UBASH3A: variants seen among roughly 807,000 people sequenced by gnomAD.
The protein encoded by UBASH3A is ubiquitin associated and SH3 domain containing A.
UBASH3A carries 63 observed loss-of-function variants against 73.5 expected under a neutral mutation model. The observed-to-expected ratio is 0.86, with a 90% CI of 0.70 to 1.06. UBASH3A has a LOEUF of 1.06. Among genes scored for constraint, UBASH3A ranks in the 50% least tolerant of loss-of-function variants. The pLI is 0.00. For synonymous variants in UBASH3A, 363 were observed against 351.1 expected (o/e 1.03, Z -0.38); for missense variants, 860 against 859.0 (o/e 1.00, Z -0.02).
intron 10 of UBASH3A, among the ~76,000 whole-genome samples, chr21:42,437,093 A>G (rs1161392689): frequency 1.3e-5 from 2 of 152,274 alleles, no homozygotes; most frequent in Admixed American, 6.5e-5. Context: ...TCCCAGCCCT[A>G]GTAGAGGCTG....
chr21:42,444,532 A>G lies in UBASH3A; in HGVS notation c.1739-2A>G. On this transcript the variant is annotated splice_acceptor_variant, in intron 13 of 14. Transcript: ENST00000319294. LOFTEE classifies it high-confidence loss of function. Reference sequence around the variant, plus strand: ...ACCTGGAGGTGTTCTTGTTTTCCACAGCGGGTGTCATCCTAATTGTGAGTC... The same window carrying G: ...ACCTGGAGGTGTTCTTGTTTTCCACGGCGGGTGTCATCCTAATTGTGAGTC... 1 of 1,611,276 alleles carries G rather than the reference A, an allele frequency of 6.2e-7. No homozygotes were observed.
intron 2 of UBASH3A, among the ~76,000 whole-genome samples, chr21:42,408,922 A>ATAAAAT (rs2053033567): frequency 6.7e-6 from 1 of 150,324 alleles, no homozygotes; most frequent in Non-Finnish European, 1.5e-5. Flanking sequence ...ATAAAATAAA[A>ATAAAAT]TAAAATAAAA....
chr21:42,404,590 T>A (rs1270929734), intron 1 of UBASH3A, among the ~76,000 whole-genome samples: 1 of 152,154 alleles, frequency 6.6e-6, no homozygotes, highest in African/African-American at 2.4e-5. Flanking sequence ...GGGGCCTGGT[T>A]GTAATCTCTT....
chr21:42,416,151 G>A (rs183922448), intron 5 of UBASH3A, among the ~76,000 whole-genome samples: 22 of 152,294 alleles, frequency 1.4e-4, no homozygotes, highest in Middle Eastern at 3.4e-3. Flanking sequence ...ACACCCCGGG[G>A]AATGGAGGAG....
At chr21:42,445,599 T>G (rs757001657) in intron 14 of UBASH3A, among the ~76,000 whole-genome samples, 40 of 152,348 alleles carry the variant, frequency 2.6e-4, no homozygotes, top group Non-Finnish European at 5.3e-4. Context: ...TAGCTACGCC[T>G]GCCTCAGCAG....
intron 6 of UBASH3A, among the ~76,000 whole-genome samples, chr21:42,417,870 C>CT (rs1296936051): frequency 7.5e-5 from 9 of 119,520 alleles, no homozygotes; most frequent in Non-Finnish European, 1.3e-4. Context: ...TTTTTTTTTT[C>CT]TTTTTTTCTT....
chr21:42,431,302 A>T (rs2053524451), intron 8 of UBASH3A, among the ~76,000 whole-genome samples: 1 of 152,202 alleles, frequency 6.6e-6, no homozygotes, highest in African/African-American at 2.4e-5. Flanking sequence ...TCGCTGCCCC[A>T]AGCATGACCT....
intron 8 of UBASH3A, among the ~76,000 whole-genome samples, chr21:42,428,448 C>T (rs1393011711): frequency 3.3e-5 from 5 of 152,020 alleles, no homozygotes; most frequent in East Asian, 3.9e-4. Flanking sequence ...TTGGGAGAGC[C>T]GAGACTCCCC....
chr21:42,406,710 G>A (rs949946627), intron 2 of UBASH3A, among the ~76,000 whole-genome samples: 1 of 151,880 alleles, frequency 6.6e-6, no homozygotes, highest in East Asian at 1.9e-4. Flanking sequence ...ACGTAAATGA[G>A]GGTAATTGTT....
Position 42,416,627 on chromosome 21 carries a change from A to G in UBASH3A, c.837+16A>G, listed in dbSNP as rs748226698. Reference sequence around the variant, plus strand: ...GCACTACCAGGTGAGAGAGCTGAGCAGGGGCTCATAAGAAGCAGATGAATG... The same window carrying G: ...GCACTACCAGGTGAGAGAGCTGAGCGGGGGCTCATAAGAAGCAGATGAATG... On this transcript the variant is annotated intron_variant, in intron 6 of 14. Transcript: ENST00000319294. 1 of 1,530,542 alleles carries G rather than the reference A, an allele frequency of 6.5e-7. No individual in the cohort carries two copies. Among genetic ancestry groups the G allele is most frequent in the East Asian group, 2.6e-5 (1 of 38,932 alleles). 94.8% of individuals were successfully genotyped at this position (1,530,542 alleles called of 1,614,324 possible).
chr21:42,416,435 T>C lies in UBASH3A; in HGVS notation c.668-7T>C. ...CTGGCACCCTCTGTGTTTCCCTGAT[T>C]TCACAGACTGCTCCGTGAAGCCTTG... On this transcript the variant is annotated splice_region_variant and splice_polypyrimidine_tract_variant and intron_variant, in intron 5 of 14. Transcript: ENST00000319294. 1.3e-6 allele frequency: 2 copies of C among 1,560,036 alleles called. No homozygotes were observed.
intron 5 of UBASH3A, among the ~76,000 whole-genome samples, chr21:42,414,435 A>G (rs1017417733): frequency 9.9e-5 from 15 of 152,222 alleles, no homozygotes; most frequent in African/African-American, 3.6e-4. Flanking sequence ...TCTTAAAAAC[A>G]GGAAGACTGA....
rs1004910345 is a variant in UBASH3A, at chr21:42,412,872, C to T, written c.355-152C>T. On this transcript the variant is annotated intron_variant, in intron 3 of 14. Transcript: ENST00000319294. ...GTCCAGGTATAGAACAAATCCATAACCCCAGACACAAAGGGACGCAATAAA... is the reference window on the plus strand; with the variant it reads ...GTCCAGGTATAGAACAAATCCATAATCCCAGACACAAAGGGACGCAATAAA... 6 of 741,144 alleles carry T rather than the reference C, an allele frequency of 8.1e-6. No homozygotes were observed. The Admixed American group carries it at 1.2e-4, about 14-fold the overall frequency. 45.9% of individuals were successfully genotyped at this position (741,144 alleles called of 1,614,324 possible).
intron 8 of UBASH3A, among the ~76,000 whole-genome samples, chr21:42,431,719 T>A (rs12482904): frequency 0.16 from 24,525 of 152,042 alleles, 2,415 homozygotes; most frequent in Middle Eastern, 0.24. Context: ...ACTAGATATA[T>A]AGATAGGTAA....
At chr21:42,437,356 G>A in intron 10 of UBASH3A, 132 bp from the exon 11 acceptor site, 1 of 712,708 alleles carries the variant, frequency 1.4e-6, no homozygotes, top group Non-Finnish European at 2.5e-6. Context: ...GCTGTGCAGG[G>A]TGTGTCACAC....
At chr21:42,415,442 G>T (rs1301946634) in intron 5 of UBASH3A, among the ~76,000 whole-genome samples, 1 of 152,178 alleles carries the variant, frequency 6.6e-6, no homozygotes, top group Admixed American at 6.5e-5. Flanking sequence ...TGCCTCTAAA[G>T]GCTCACCTCT....
In UBASH3A at chr21:42,416,595, G is replaced by A. The variant is rs1418986635; in HGVS notation, c.821G>A (p.Arg274His). 1 of 1,595,302 alleles carries A rather than the reference G, an allele frequency of 6.3e-7. No homozygotes were observed. Among genetic ancestry groups the A allele is most frequent in the East Asian group, 2.3e-5 (1 of 43,054 alleles). Residue 274 changes from arginine (R) to histidine (H), a missense_variant, in exon 6 of 15, where the codon CGC (arginine) becomes CAC (histidine). Coordinates refer to ENST00000319294, the MANE Select transcript of UBASH3A (RefSeq NM_018961.4). ...WTAALYSRDM[R>H]FVHYQTLRAL... Reference sequence around the variant, plus strand: ...GCAGCACTCTACTCCCGAGACATGCGCTTTGTGCACTACCAGGTGAGAGAG... The same window carrying A: ...GCAGCACTCTACTCCCGAGACATGCACTTTGTGCACTACCAGGTGAGAGAG...
intron 8 of UBASH3A, among the ~76,000 whole-genome samples, chr21:42,430,496 C>G (rs2053508809): frequency 6.6e-6 from 1 of 152,122 alleles, no homozygotes; most frequent in South Asian, 2.1e-4. Context: ...CATTTTAGCC[C>G]AGAGAGAGCT....
At chr21:42,426,942 C>T (rs995739269) in intron 8 of UBASH3A, 122 bp downstream of exon 8, 58 of 1,302,668 alleles carry the variant, frequency 4.5e-5, no homozygotes, top group Non-Finnish European at 5.6e-5. Flanking sequence ...CCTCCCTGCC[C>T]TAGAGCGTGG....
Sources: gnomAD v4.1 joint callset for allele counts (sites outside exome capture counted in the v4.1 genomes callset) on GRCh38, gnomAD v4.1.1 for gene constraint, MANE v1.5 for transcripts, NCBI Gene and HGNC (gene_info 2026-07-23, HGNC 2026-07-21) for gene names.